Variants in MAGI3 observed in about 807,000 individuals in gnomAD.
The protein encoded by MAGI3 is membrane-associated guanylate kinase, WW and PDZ domain-containing protein 3.
In MAGI3, 43 loss-of-function variants were observed where a neutral mutation model predicts 121.8. That is an observed-to-expected ratio of 0.35 (90% CI 0.28 to 0.46). MAGI3 has a LOEUF of 0.46. Ranked by LOEUF, MAGI3 falls within the 20% of genes least tolerant of loss-of-function variation. The probability of loss-of-function intolerance (pLI) is 1.00; values close to 1 mark genes in which losing one functional copy is unlikely to be tolerated. For missense variants in MAGI3, 1,547 were observed against 1,797.3 expected, an observed-to-expected ratio of 0.86 and a Z score of 2.52; for synonymous variants, 553 against 639.3, an observed-to-expected ratio of 0.86 and a Z score of 2.04.
intron 12 of MAGI3, among the ~76,000 whole-genome samples, chr1:113,647,018 T>A (rs990740802): frequency 3.3e-5 from 5 of 152,270 alleles, no homozygotes; most frequent in Middle Eastern, 6.8e-3. Flanking sequence ...ATGAAATGGA[T>A]AAATTGGGAT....
chr1:113,611,986 C>T (rs886592829), intron 6 of MAGI3, among the ~76,000 whole-genome samples: 2 of 106,924 alleles, frequency 1.9e-5, no homozygotes, highest in African/African-American at 7.8e-5. Context: ...GGTCTATCAC[C>T]AGGCTGGAAT....
At chr1:113,576,796 T>TA (rs1328871224) in intron 2 of MAGI3, 3 of 152,240 alleles carry the variant, frequency 2.0e-5, no homozygotes, top group African/African-American at 7.2e-5. Context: ...GTAGCCCTCC[T>TA]ATTTTTCGGA....
At chr1:113,606,819 A>G (rs1344806086) in intron 6 of MAGI3, among the ~76,000 whole-genome samples, 1 of 152,092 alleles carries the variant, frequency 6.6e-6, no homozygotes, top group East Asian at 1.9e-4. Context: ...TTTAGTTTTC[A>G]CGTCCTGTTG....
At position 113,684,200 on chromosome 1, in the gene MAGI3, G is replaced by C; in HGVS notation, c.*186G>C. 1 of 594,972 alleles carries C rather than the reference G, an allele frequency of 1.7e-6. No homozygotes were observed. Among genetic ancestry groups the C allele is most frequent in the Non-Finnish European group, 2.6e-6 (1 of 379,610 alleles). 36.9% of individuals were successfully genotyped at this position (594,972 alleles called of 1,614,324 possible). ...CTAAGAACCAACTGTCCCCCTGGCCGGCTGCCCTCCCTCGCTCTCAGGAAG... is the reference window on the plus strand; with the variant it reads ...CTAAGAACCAACTGTCCCCCTGGCCCGCTGCCCTCCCTCGCTCTCAGGAAG... On this transcript the variant is annotated 3_prime_UTR_variant, in exon 21 of 21. Transcript: ENST00000307546.
intron 1 of MAGI3, among the ~76,000 whole-genome samples, chr1:113,410,104 TTC>T (rs1651900297): frequency 6.6e-6 from 1 of 152,190 alleles, no homozygotes; most frequent in African/African-American, 2.4e-5. Context: ...TGTGTTGTTT[TTC>T]TCTGTGTTCT....
chr1:113,598,780 T>A (rs1254366169), intron 6 of MAGI3, among the ~76,000 whole-genome samples: 1 of 151,822 alleles, frequency 6.6e-6, no homozygotes, highest in African/African-American at 2.4e-5. Flanking sequence ...GAGCAGAAAA[T>A]CAGCAAACAC....
chr1:113,674,181 C>T (rs570231332), intron 19 of MAGI3, among the ~76,000 whole-genome samples: 86 of 152,186 alleles, frequency 5.7e-4, no homozygotes, highest in South Asian at 2.5e-3. Flanking sequence ...CGCCTGAGGT[C>T]GGGAGTTCGA....
At position 113,658,314 on chromosome 1, in the gene MAGI3, T is replaced by A. The variant is rs1342129002; in HGVS notation, c.2630-766T>A. Among the ~76,000 whole-genome samples, 4 of 152,226 alleles carry A rather than the reference T, an allele frequency of 2.6e-5. No homozygotes were observed. The highest frequency in any genetic ancestry group is 9.6e-5 in the African/African-American group (4 of 41,456). On this transcript the variant is annotated intron_variant, in intron 15 of 20. Transcript: ENST00000307546. The surrounding 1 kb of genome is among the most constrained non-coding windows in gnomAD (Gnocchi z 4.0). ...TTAATAGTTAGTCCAGGAAGGCTCT[T>A]AGCATTATAAGCTAGAGATACAGTA...
intron 1 of MAGI3, among the ~76,000 whole-genome samples, chr1:113,463,843 G>C (rs1214729982): frequency 6.6e-6 from 1 of 152,018 alleles, no homozygotes; most frequent in Non-Finnish European, 1.5e-5. Context: ...GTATAGAATA[G>C]AGCAGAATTC....
chr1:113,429,073 T>C (rs1323715225), intron 1 of MAGI3, among the ~76,000 whole-genome samples: 1 of 152,240 alleles, frequency 6.6e-6, no homozygotes, highest in Admixed American at 6.5e-5. Flanking sequence ...GTAATTACTG[T>C]CACTTTATCA....
chr1:113,626,795 T>G (rs1651266072), intron 9 of MAGI3, among the ~76,000 whole-genome samples: 1 of 152,232 alleles, frequency 6.6e-6, no homozygotes, highest in South Asian at 2.1e-4. Flanking sequence ...TCAGTTGTAA[T>G]GTCTCCTGTT....
chr1:113,643,336 C>T (rs540518408), intron 10 of MAGI3, among the ~76,000 whole-genome samples: 2 of 152,284 alleles, frequency 1.3e-5, no homozygotes, highest in Non-Finnish European at 2.9e-5. Flanking sequence ...CTTTGATTCA[C>T]ATGGGTTTCT....
intron 2 of MAGI3, among the ~76,000 whole-genome samples, chr1:113,566,826 T>C (rs966247284): frequency 6.6e-6 from 1 of 151,696 alleles, no homozygotes; most frequent in African/African-American, 2.4e-5. Context: ...AGTAAACAGA[T>C]TAAAAGAGAA....
chr1:113,666,984 A>C (rs1461478611), intron 16 of MAGI3, among the ~76,000 whole-genome samples: 1 of 152,232 alleles, frequency 6.6e-6, no homozygotes, highest in African/African-American at 2.4e-5. Context: ...AGTAGGTCTC[A>C]ACAGTGGGAT....
At chr1:113,622,785 C>A in intron 8 of MAGI3, 21 bp from the exon 9 acceptor site, 1 of 1,546,480 alleles carries the variant, frequency 6.5e-7, no homozygotes, top group South Asian at 1.3e-5. Context: ...GTTCTCAAAC[C>A]CACTTCTCAT....
At chr1:113,519,004 G>A (rs763443171) in intron 1 of MAGI3, among the ~76,000 whole-genome samples, 3 of 151,992 alleles carry the variant, frequency 2.0e-5, no homozygotes, top group Non-Finnish European at 2.9e-5. Flanking sequence ...CCGTTACTAC[G>A]AACTACACAT....
intron 2 of MAGI3, among the ~76,000 whole-genome samples, chr1:113,550,613 G>A (rs186823256): frequency 1.4e-3 from 214 of 149,280 alleles, no homozygotes; most frequent in African/African-American, 5.1e-3. Context: ...AAAATTAGCC[G>A]AGCATGGTGG....
At chr1:113,552,244 C>A (rs556095970) in intron 2 of MAGI3, among the ~76,000 whole-genome samples, 3 of 152,170 alleles carry the variant, frequency 2.0e-5, no homozygotes, top group East Asian at 3.9e-4. Flanking sequence ...AAAGCTTTTT[C>A]TTTACTCGTT....
chr1:113,661,079 CA>C (rs1173978330), intron 16 of MAGI3, among the ~76,000 whole-genome samples: 6 of 151,944 alleles, frequency 3.9e-5, no homozygotes, highest in Admixed American at 6.6e-5. Context: ...AGTTACATGA[CA>C]AAAAAACTAC....
Sources: allele counts gnomAD v4.1 joint callset (sites outside exome capture counted in the v4.1 genomes callset), GRCh38; gene constraint gnomAD v4.1.1; non-coding constraint Gnocchi (gnomAD v3.1); transcripts MANE v1.5; gene names NCBI Gene and HGNC (gene_info 2026-07-23, HGNC 2026-07-21).